Variants in FARS2 observed in about 807,000 individuals in gnomAD.
The protein encoded by FARS2 is phenylalanyl-tRNA synthetase 2, mitochondrial.
FARS2 carries 40 observed loss-of-function variants against 46.4 expected under a neutral mutation model. That is an observed-to-expected ratio of 0.86 (90% CI 0.67 to 1.12). The LOEUF is 1.12. Among genes scored for constraint, FARS2 ranks in the 50% most tolerant of loss-of-function variants. The pLI is 0.00. For synonymous variants in FARS2, 234 were observed against 214.9 expected (o/e 1.09, Z -0.78); for missense variants, 513 against 567.9 (o/e 0.90, Z 0.98).
At chr6:5,505,415 A>G (rs2150390501) in intron 4 of FARS2, among the ~76,000 whole-genome samples, 1 of 152,290 alleles carries the variant, frequency 6.6e-6, no homozygotes, top group South Asian at 2.1e-4. Context: ...TGTGGAGGCA[A>G]TCACACTTTT....
rs752661542 is a variant in FARS2 at position 5,543,207 on chromosome 6, T to G, written c.905-1973T>G. 5.5e-4 allele frequency among the ~76,000 whole-genome samples: 84 copies of G among 152,236 alleles called. 1 individual carries two copies. Among genetic ancestry groups the G allele is most frequent in the Non-Finnish European group, 1.6e-4 (11 of 68,040 alleles). Reference sequence around the variant, plus strand: ...CCTGTGTTCCCATTTGTCTTGATGATTGCCTTGATGCCAAGTGATAACCGC... The same window carrying G: ...CCTGTGTTCCCATTTGTCTTGATGAGTGCCTTGATGCCAAGTGATAACCGC... On this transcript the variant is annotated intron_variant, in intron 4 of 6. Transcript: ENST00000274680.
intron 6 of FARS2, among the ~76,000 whole-genome samples, chr6:5,735,108 A>G (rs764528503): frequency 6.6e-6 from 1 of 152,204 alleles, no homozygotes; most frequent in Non-Finnish European, 1.5e-5. Context: ...AAGTCTAGAA[A>G]CTTTAATTTT....
At chr6:5,728,145 A>G (rs1230525567) in intron 6 of FARS2, among the ~76,000 whole-genome samples, 2 of 152,146 alleles carry the variant, frequency 1.3e-5, no homozygotes, top group African/African-American at 4.8e-5. Context: ...GTTCATCTCA[A>G]AGGGTAGCCA....
At chr6:5,748,437 G>A (rs996744292) in intron 6 of FARS2, among the ~76,000 whole-genome samples, 30 of 152,200 alleles carry the variant, frequency 2.0e-4, no homozygotes, top group African/African-American at 6.8e-4. Context: ...AAGCTAATGT[G>A]CTTGGCCATT....
At chr6:5,341,219 ATATATATATATATATATTTTTT>A (rs1297009238) in intron 1 of FARS2, among the ~76,000 whole-genome samples, 119 of 4,994 alleles carry the variant, frequency 0.024, 10 homozygotes, top group South Asian at 0.12. Flanking sequence ...ATATATATAT[ATATATATATATATATATTTTTT>A]TTTTTTTTTT....
intron 4 of FARS2, among the ~76,000 whole-genome samples, chr6:5,488,253 T>C (rs923816782): frequency 7.9e-5 from 12 of 152,190 alleles, no homozygotes; most frequent in African/African-American, 2.9e-4. Flanking sequence ...AGTACAGACA[T>C]ACATTAGTGA....
intron 4 of FARS2, among the ~76,000 whole-genome samples, chr6:5,537,879 CT>C (rs1236608607): frequency 2.0e-5 from 3 of 151,348 alleles, no homozygotes; most frequent in Non-Finnish European, 2.9e-5. Flanking sequence ...TTCTCCTCTC[CT>C]TTTTTTTTAA....
chr6:5,445,189 T>TA (rs1261404506), intron 4 of FARS2, among the ~76,000 whole-genome samples: 12 of 45,930 alleles, frequency 2.6e-4, no homozygotes, highest in South Asian at 1.5e-3. Context: ...TTAGAGACCT[T>TA]TAAAAAAAAA....
intron 4 of FARS2, chr6:5,456,817 T>G (rs1038432566): frequency 3.3e-5 from 5 of 150,884 alleles, no homozygotes; most frequent in African/African-American, 1.2e-4. Flanking sequence ...TTACCTTGGC[T>G]GGTGAAAATG....
intron 4 of FARS2, among the ~76,000 whole-genome samples, chr6:5,468,777 C>A (rs951593815): frequency 6.6e-6 from 1 of 152,170 alleles, no homozygotes; most frequent in Non-Finnish European, 1.5e-5. Flanking sequence ...TGTTTCTGAT[C>A]TTACACAGGA....
intron 6 of FARS2, among the ~76,000 whole-genome samples, chr6:5,634,744 G>A (rs965467469): frequency 6.6e-6 from 1 of 152,158 alleles, no homozygotes; most frequent in African/African-American, 2.4e-5. Context: ...AGCCCACGTG[G>A]CAATCCCCTA....
intron 6 of FARS2, among the ~76,000 whole-genome samples, chr6:5,652,558 C>T (rs1323552944): frequency 3.9e-5 from 6 of 152,368 alleles, no homozygotes; most frequent in Admixed American, 1.3e-4. Context: ...GCGGCGCAGC[C>T]GCTGATGGCT....
At chr6:5,493,764 T>C (rs147060874) in intron 4 of FARS2, among the ~76,000 whole-genome samples, 70 of 152,326 alleles carry the variant, frequency 4.6e-4, no homozygotes, top group African/African-American at 1.7e-3. Context: ...TCTTACATAG[T>C]AGGTGCTCAC....
intron 6 of FARS2, among the ~76,000 whole-genome samples, chr6:5,758,546 G>A (rs1472572978): frequency 6.6e-6 from 1 of 152,186 alleles, no homozygotes; most frequent in African/African-American, 2.4e-5. Flanking sequence ...ACAAAGAGGA[G>A]CTCTAAGCTG....
intron 2 of FARS2, among the ~76,000 whole-genome samples, chr6:5,396,411 C>G (rs1213525367): frequency 6.6e-6 from 1 of 152,064 alleles, no homozygotes; most frequent in Non-Finnish European, 1.5e-5. Flanking sequence ...GGCTACAAGG[C>G]TGGAATTTGG....
intron 5 of FARS2, among the ~76,000 whole-genome samples, chr6:5,565,196 A>G (rs1426199391): frequency 6.6e-6 from 1 of 152,252 alleles, no homozygotes; most frequent in Non-Finnish European, 1.5e-5. Context: ...ATTAAAGGCC[A>G]TAAATAGTTT....
At chr6:5,557,934 A>G (rs1428093800) in intron 5 of FARS2, among the ~76,000 whole-genome samples, 1 of 152,080 alleles carries the variant, frequency 6.6e-6, no homozygotes, top group African/African-American at 2.4e-5. Context: ...TGGTGCATTC[A>G]ACTGACTTAA....
chr6:5,536,515 G>T (rs142699800), intron 4 of FARS2, among the ~76,000 whole-genome samples: 1 of 152,090 alleles, frequency 6.6e-6, no homozygotes, highest in Non-Finnish European at 1.5e-5. Context: ...ACCCTATAAG[G>T]AGGTCAAGAA....
intron 1 of FARS2, among the ~76,000 whole-genome samples, chr6:5,314,423 T>C (rs770022585): frequency 2.0e-5 from 3 of 152,100 alleles, no homozygotes; most frequent in Non-Finnish European, 4.4e-5. Flanking sequence ...GGAGATTGTT[T>C]CCTTGTTTCT....
Sources: allele counts gnomAD v4.1 joint callset (sites outside exome capture counted in the v4.1 genomes callset), GRCh38; gene constraint gnomAD v4.1.1; transcripts MANE v1.5; gene names NCBI Gene and HGNC (gene_info 2026-07-23, HGNC 2026-07-21).